The following VPS13B variants were observed in gnomAD, a reference collection of about 807,000 sequenced individuals.
The protein encoded by VPS13B is vacuolar protein sorting 13 homolog B.
A neutral mutation model predicts 426.4 loss-of-function variants in VPS13B; 285 were observed. The observed-to-expected ratio is 0.67, with a 90% CI of 0.61 to 0.74. The LOEUF (loss-of-function observed/expected upper bound fraction) is 0.74, where lower values mean the gene tolerates loss of function less well. Among genes scored for constraint, VPS13B ranks in the 30% least tolerant of loss-of-function variants. The probability of loss-of-function intolerance (pLI) is 0.00; values close to 1 mark genes in which losing one functional copy is unlikely to be tolerated. For synonymous variants in VPS13B, 1,676 were observed against 1,676.4 expected, an observed-to-expected ratio of 1.00 and a Z score of 0.01; for missense variants, 4,537 against 4,782.6, an observed-to-expected ratio of 0.95 and a Z score of 1.51.
At chr8:99,304,024 A>G (rs1333783840) in intron 19 of VPS13B, among the ~76,000 whole-genome samples, 1 of 152,152 alleles carries the variant, frequency 6.6e-6, no homozygotes, top group Non-Finnish European at 1.5e-5. Flanking sequence ...GGTTAAAAAT[A>G]TGGGCTTTAT....
chr8:99,606,781 T>A (rs1489594033), intron 33 of VPS13B, among the ~76,000 whole-genome samples: 1 of 152,008 alleles, frequency 6.6e-6, no homozygotes, highest in Non-Finnish European at 1.5e-5. Context: ...GCATGCGCAA[T>A]CACGCCCAGC....
chr8:99,357,705 A>G (rs763284694), intron 19 of VPS13B, among the ~76,000 whole-genome samples: 7 of 152,196 alleles, frequency 4.6e-5, no homozygotes, highest in Non-Finnish European at 1.0e-4. Flanking sequence ...GTAGGGTCTT[A>G]GTAAAGTCAT....
chr8:99,569,426 C>T (rs1825361441), intron 31 of VPS13B, among the ~76,000 whole-genome samples: 1 of 150,832 alleles, frequency 6.6e-6, no homozygotes, highest in South Asian at 2.1e-4. Context: ...CAGAGGGAGA[C>T]CCTTTCTCAT....
intron 50 of VPS13B, among the ~76,000 whole-genome samples, chr8:99,823,375 T>C (rs557045468): frequency 1.3e-5 from 2 of 152,270 alleles, no homozygotes; most frequent in East Asian, 3.9e-4. Flanking sequence ...TTCATTGTCG[T>C]CATTACTGAA....
At chr8:99,520,701 C>A (rs1459781508) in intron 29 of VPS13B, among the ~76,000 whole-genome samples, 198 bp from the exon 30 acceptor site, 3 of 151,680 alleles carry the variant, frequency 2.0e-5, no homozygotes, top group South Asian at 4.2e-4. Flanking sequence ...AACAGGAAAC[C>A]ACTTAATGGG....
intron 24 of VPS13B, among the ~76,000 whole-genome samples, chr8:99,468,098 C>G (rs1819205907): frequency 6.6e-6 from 1 of 152,068 alleles, no homozygotes; most frequent in Non-Finnish European, 1.5e-5. Context: ...CGTGCTGCAC[C>G]CGTTAACTCA....
chr8:99,674,800 TAAC>T (rs1434261858), intron 35 of VPS13B, among the ~76,000 whole-genome samples: 1 of 152,148 alleles, frequency 6.6e-6, no homozygotes, highest in East Asian at 1.9e-4. Flanking sequence ...TTTAAGCTAA[TAAC>T]AATTTATCTT....
intron 17 of VPS13B, chr8:99,209,897 T>TTTCGTAC: frequency 4.5e-6 from 1 of 220,754 alleles, no homozygotes; most frequent in Non-Finnish European, 5.1e-6. Flanking sequence ...TAATATTTGG[T>TTTCGTAC]TCGTACTCAA....
intron 2 of VPS13B, among the ~76,000 whole-genome samples, chr8:99,031,452 T>C (rs1286143537): frequency 6.6e-6 from 1 of 152,210 alleles, no homozygotes. Flanking sequence ...AGGTGTCATG[T>C]TTCCATGCCT....
chr8:99,340,085 C>T (rs536702923), intron 19 of VPS13B, among the ~76,000 whole-genome samples: 10 of 152,258 alleles, frequency 6.6e-5, no homozygotes, highest in Non-Finnish European at 4.4e-5. Context: ...TAGCAAGTAT[C>T]TTGTCAGAGC....
chr8:99,287,461 AT>A (rs764042072), intron 19 of VPS13B, among the ~76,000 whole-genome samples: 6 of 151,986 alleles, frequency 3.9e-5, no homozygotes, highest in Admixed American at 1.3e-4. Context: ...AATTTATTCT[AT>A]TTTTTATGAG....
At chr8:99,394,389 T>C (rs1814620007) in intron 21 of VPS13B, among the ~76,000 whole-genome samples, 2 of 152,148 alleles carry the variant, frequency 1.3e-5, no homozygotes, top group South Asian at 4.1e-4. Flanking sequence ...CCTTTTCCTC[T>C]TCCAAACTCA....
At chr8:99,771,949 C>T (rs912794280) in intron 40 of VPS13B, among the ~76,000 whole-genome samples, 1 of 152,222 alleles carries the variant, frequency 6.6e-6, no homozygotes, top group Non-Finnish European at 1.5e-5. Context: ...TTTGTCTTCT[C>T]TTCCTTGAAT....
intron 3 of VPS13B, among the ~76,000 whole-genome samples, chr8:99,042,987 A>G (rs1390064030): frequency 1.3e-5 from 2 of 152,230 alleles, no homozygotes; most frequent in Admixed American, 6.5e-5. Flanking sequence ...TTTGATTTGA[A>G]TGTCTAATTC....
intron 4 of VPS13B, among the ~76,000 whole-genome samples, chr8:99,101,200 C>T (rs1052163345): frequency 4.6e-5 from 7 of 152,090 alleles, no homozygotes; most frequent in African/African-American, 7.2e-5. Flanking sequence ...GGCACGATCC[C>T]GGCTCACTGC....
intron 17 of VPS13B, among the ~76,000 whole-genome samples, chr8:99,268,675 A>T (rs1588192099): frequency 6.6e-6 from 1 of 151,968 alleles, no homozygotes; most frequent in African/African-American, 2.4e-5. Flanking sequence ...AGGCAGGAGG[A>T]ACTTGCTTTG....
intron 57 of VPS13B, among the ~76,000 whole-genome samples, chr8:99,860,102 TC>T (rs1175678712): frequency 6.6e-6 from 1 of 152,106 alleles, no homozygotes; most frequent in Admixed American, 6.5e-5. Flanking sequence ...GCCATCTGAG[TC>T]CCCTTTTCTT....
chr8:99,248,723 G>T (rs1399437256), intron 17 of VPS13B, among the ~76,000 whole-genome samples: 3 of 152,102 alleles, frequency 2.0e-5, no homozygotes, highest in Non-Finnish European at 4.4e-5. Context: ...TAACAAATAG[G>T]TGTTTTTCAA....
chr8:99,415,667 G>A (rs1191176450), intron 21 of VPS13B, among the ~76,000 whole-genome samples: 1 of 152,110 alleles, frequency 6.6e-6, no homozygotes, highest in Non-Finnish European at 1.5e-5. Flanking sequence ...TAACAGTCAG[G>A]CTGCTCTGCT....
Sources: allele counts gnomAD v4.1 joint callset (sites outside exome capture counted in the v4.1 genomes callset), GRCh38; gene constraint gnomAD v4.1.1; transcripts MANE v1.5; gene names NCBI Gene and HGNC (gene_info 2026-07-23, HGNC 2026-07-21).